The following DZIP1L variants were observed in gnomAD, a reference collection of about 807,000 sequenced individuals.
The protein encoded by DZIP1L is DAZ interacting zinc finger protein 1 like, also known as cilium assembly protein DZIP1L.
Under a neutral mutation model 88.7 loss-of-function variants are expected in DZIP1L, and 90 were observed. That is an observed-to-expected ratio of 1.02 (90% CI 0.86 to 1.21). The LOEUF is 1.21. Ranked by LOEUF, DZIP1L falls within the 50% of genes most tolerant of loss-of-function variation. The pLI is 0.00. For synonymous variants in DZIP1L, 363 were observed against 372.1 expected (o/e 0.98, Z 0.28); for missense variants, 932 against 955.8 (o/e 0.98, Z 0.33).
intron 2 of DZIP1L, chr3:138,102,128 G>T: frequency 1.4e-6 from 2 of 1,401,202 alleles, no homozygotes; most frequent in East Asian, 4.6e-5. Context: ...ACTGTGCCTT[G>T]ACCTCAGCGA....
At chr3:138,067,887 C>G (rs1942984018) in intron 13 of DZIP1L, among the ~76,000 whole-genome samples, 187 bp from the exon 14 acceptor site, 1 of 152,224 alleles carries the variant, frequency 6.6e-6, no homozygotes, top group African/African-American at 2.4e-5. Context: ...CTTAGTAGAG[C>G]CCTGCCCATC....
chr3:138,087,182 A>G (rs564951003), intron 6 of DZIP1L, among the ~76,000 whole-genome samples, 159 bp from the exon 7 acceptor site: 1 of 152,242 alleles, frequency 6.6e-6, no homozygotes, highest in African/African-American at 2.4e-5. Flanking sequence ...GAAACTAAGT[A>G]TGAGGAGAGG....
intron 2 of DZIP1L, among the ~76,000 whole-genome samples, chr3:138,098,574 C>A (rs1215653644): frequency 3.3e-5 from 5 of 152,158 alleles, no homozygotes. Context: ...AATCCATAGG[C>A]AGATTATTTG....
At chr3:138,088,984 T>A in intron 5 of DZIP1L, 9 of 985,550 alleles carry the variant, frequency 9.1e-6, no homozygotes, top group Non-Finnish European at 1.1e-5. Flanking sequence ...ACCTAGTGAT[T>A]CCTGGGCTAG....
intron 1 of DZIP1L, among the ~76,000 whole-genome samples, chr3:138,110,194 C>G (rs2042594950): frequency 6.6e-6 from 1 of 152,044 alleles, no homozygotes; most frequent in Non-Finnish European, 1.5e-5. Flanking sequence ...AGCAAACTAT[C>G]ACAAGGACAG....
intron 1 of DZIP1L, chr3:138,112,272 GACTCCAGAGCTTTTGAAT>G: frequency 2.0e-5 from 3 of 152,080 alleles, no homozygotes; most frequent in Admixed American, 6.5e-5. Context: ...AGTTCTATCT[GACTCCAGAGCTTTTGAAT>G]TATGCCAAAC....
At chr3:138,070,473 C>T (rs1487457321) in intron 12 of DZIP1L, among the ~76,000 whole-genome samples, 1 of 151,774 alleles carries the variant, frequency 6.6e-6, no homozygotes, top group Non-Finnish European at 1.5e-5. Flanking sequence ...GTCATCAATA[C>T]ATTTTTTTAC....
intron 11 of DZIP1L, among the ~76,000 whole-genome samples, chr3:138,075,205 T>C (rs535632310): frequency 1.3e-5 from 2 of 151,988 alleles, no homozygotes; most frequent in Non-Finnish European, 2.9e-5. Context: ...ACAATAATAG[T>C]GGGGGATTTC....
chr3:138,069,246 T>C, intron 12 of DZIP1L: 2 of 525,186 alleles, frequency 3.8e-6, no homozygotes, highest in Non-Finnish European at 6.9e-6. Context: ...TATTTGCTCT[T>C]CCTTGTGATT....
In DZIP1L at chr3:138,103,456, G is replaced by T; in HGVS notation, c.501+15C>A. The T allele has an allele frequency of 6.3e-7, 1 of 1,584,426 alleles. No individual in the cohort carries two copies. Among genetic ancestry groups the T allele is most frequent in the Non-Finnish European group, 8.6e-7 (1 of 1,163,034 alleles). ...ACAGCCCTCCCACTCTCCCTGCCTG[G>T]TGGAGATTCCTCACCGTGTGGTAGC... On this transcript the variant is annotated intron_variant, in intron 2 of 15. Coordinates refer to ENST00000327532, the MANE Select transcript of DZIP1L (RefSeq NM_173543.3).
At position 138,084,004 on chromosome 3, in the gene DZIP1L, G is replaced by T. The variant is rs1280310600; in HGVS notation, c.1203+109C>A. 3 of 1,444,216 alleles carry T rather than the reference G, an allele frequency of 2.1e-6. No individual in the cohort carries two copies. The East Asian group carries it at 7.0e-5, about 34-fold the overall frequency. 89.5% of individuals were successfully genotyped at this position (1,444,216 alleles called of 1,614,324 possible). ...GAGGACTCTTCTCTCTCCTTAAGGA[G>T]CCTGAGTGGTAAGACTAGCACTGAT... On this transcript the variant is annotated intron_variant, in intron 8 of 15. Coordinates refer to ENST00000327532, the MANE Select transcript of DZIP1L (RefSeq NM_173543.3).
chr3:138,090,547 G>A (rs753030618), intron 5 of DZIP1L, among the ~76,000 whole-genome samples: 4 of 152,158 alleles, frequency 2.6e-5, no homozygotes, highest in Non-Finnish European at 5.9e-5. Context: ...AAGCGCTTGC[G>A]TCATTTTAGG....
intron 2 of DZIP1L, among the ~76,000 whole-genome samples, chr3:138,099,877 C>G (rs1248084472): frequency 1.3e-5 from 2 of 152,186 alleles, no homozygotes; most frequent in African/African-American, 2.4e-5. Context: ...AGTCAAATAA[C>G]CTCTTTTCTT....
At chr3:138,092,306 C>T in intron 5 of DZIP1L, 77 bp downstream of exon 5, 1 of 1,416,092 alleles carries the variant, frequency 7.1e-7, no homozygotes, top group African/African-American at 1.5e-5. Context: ...TGAAATAAAA[C>T]CAGTACAAAC....
Position 138,071,791 on chromosome 3 carries a change from G to A in DZIP1L, c.1467C>T (p.Ser489=). The change falls in exon 12 of 16, where the codon TCC becomes TCT. Residue 489 remains serine, a synonymous_variant. Coordinates refer to ENST00000327532, the MANE Select transcript of DZIP1L (RefSeq NM_173543.3). ...ISIQTLRHLE[S]LLRVQREQKA... ...TCTGCTCCCGCTGGACTCTCAGCAG[G>A]GATTCCAGGTGTCTGAGAGTCTGAA... The A allele has an allele frequency of 6.2e-7, 1 of 1,614,116 alleles. No homozygotes were observed. Among genetic ancestry groups the A allele is most frequent in the African/African-American group, 1.3e-5 (1 of 75,060 alleles).
chr3:138,105,973 C>T (rs16847862), intron 1 of DZIP1L, among the ~76,000 whole-genome samples: 3 of 151,968 alleles, frequency 2.0e-5, no homozygotes, highest in Admixed American at 2.0e-4. Flanking sequence ...ACTATTCAAA[C>T]TTCTTATCAT....
chr3:138,068,123 G>C (rs574426017), intron 13 of DZIP1L, 28 bp downstream of exon 13: 1 of 1,458,378 alleles, frequency 6.9e-7, no homozygotes, highest in Non-Finnish European at 9.1e-7. Context: ...ACTGCAGGTG[G>C]GGTGAGAGGG....
intron 5 of DZIP1L, chr3:138,088,822 A>G: frequency 3.9e-6 from 4 of 1,023,412 alleles, no homozygotes; most frequent in Non-Finnish European, 4.7e-6. Flanking sequence ...TTTCTTCCTC[A>G]GTCTGGAATA....
chr3:138,097,876 C>CA, intron 2 of DZIP1L, 29 bp from the exon 3 acceptor site: 1 of 1,588,380 alleles, frequency 6.3e-7, no homozygotes, highest in Non-Finnish European at 8.6e-7. Context: ...ATGGGGAGTA[C>CA]AAGATTAGGT....
Sources: allele counts gnomAD v4.1 joint callset (sites outside exome capture counted in the v4.1 genomes callset), GRCh38; gene constraint gnomAD v4.1.1; transcripts MANE v1.5; gene names NCBI Gene and HGNC (gene_info 2026-07-23, HGNC 2026-07-21).